Variants in FRMD6 observed in about 807,000 individuals in gnomAD.
FRMD6 encodes FERM domain containing 6.
A neutral mutation model predicts 73.2 loss-of-function variants in FRMD6; 37 were observed. The ratio of observed to expected loss-of-function variants is 0.51; its 90% CI spans 0.39 to 0.66. The LOEUF is 0.66. Ranked by LOEUF, FRMD6 falls within the 30% of genes least tolerant of loss-of-function variation. The probability of loss-of-function intolerance (pLI) is 0.00; values close to 1 mark genes in which losing one functional copy is unlikely to be tolerated. For missense variants in FRMD6, 714 were observed against 780.5 expected (o/e 0.91, Z 1.02); for synonymous variants, 273 against 282.2 (o/e 0.97, Z 0.33).
At chr14:51,502,232 G>A (rs1204919194) in intron 1 of FRMD6, among the ~76,000 whole-genome samples, 2 of 152,188 alleles carry the variant, frequency 1.3e-5, no homozygotes, top group Non-Finnish European at 2.9e-5. Flanking sequence ...TTTTGCTGCG[G>A]TTGCAATTGC....
rs567688975 is a variant in FRMD6, at chr14:51,690,871, A to C, written c.99+936A>C. Among the ~76,000 whole-genome samples, 25 of 152,288 alleles carry C rather than the reference A, an allele frequency of 1.6e-4. No individual in the cohort carries two copies. The East Asian group carries it at 4.6e-3, about 28-fold the overall frequency. ...TGTGATTTTTTTTTAACTTTAAAAA[A>C]ATTGAGTTATAATTTACATACTGCA... is the stretch of plus-strand genomic sequence containing the variant. On this transcript the variant is annotated intron_variant, in intron 2 of 13. Transcript: ENST00000344768.
intron 1 of FRMD6, among the ~76,000 whole-genome samples, chr14:51,501,936 A>G (rs547964519): frequency 3.8e-4 from 58 of 152,252 alleles, no homozygotes; most frequent in African/African-American, 1.3e-3. Context: ...ATGAGATGGT[A>G]TTTCATTGTG....
At chr14:51,686,729 TG>T (rs1215537195) in intron 1 of FRMD6, among the ~76,000 whole-genome samples, 1 of 152,148 alleles carries the variant, frequency 6.6e-6, no homozygotes, top group African/African-American at 2.4e-5. Context: ...TGTGTCCTCC[TG>T]GGACTGAGTT....
the FRMD6 span, among the ~76,000 whole-genome samples, chr14:51,427,357 T>C: frequency 1.3e-5 from 2 of 152,210 alleles, no homozygotes; most frequent in Non-Finnish European, 2.9e-5. Context: ...TCACCGTGCA[T>C]ATGGGTCCAA....
At chr14:51,684,737 A>G in intron 1 of FRMD6, among the ~76,000 whole-genome samples, 1 of 152,130 alleles carries the variant, frequency 6.6e-6, no homozygotes, top group South Asian at 2.1e-4. Context: ...ACCAAAAAGA[A>G]TATTTGGCCC....
At chr14:51,726,229 G>A (rs1333448036) in intron 13 of FRMD6, among the ~76,000 whole-genome samples, 1 of 152,174 alleles carries the variant, frequency 6.6e-6, no homozygotes, top group Non-Finnish European at 1.5e-5. Flanking sequence ...TGGCAGAAAT[G>A]TTTCCACACT....
intron 2 of FRMD6, among the ~76,000 whole-genome samples, chr14:51,586,855 C>T (rs1338058760): frequency 1.3e-5 from 2 of 152,098 alleles, no homozygotes; most frequent in Non-Finnish European, 2.9e-5. Context: ...GCAATCCTCC[C>T]GCCTCCATCT....
intron 9 of FRMD6, among the ~76,000 whole-genome samples, chr14:51,713,168 T>C (rs994089997): frequency 1.3e-5 from 2 of 152,146 alleles, no homozygotes; most frequent in Non-Finnish European, 2.9e-5. Context: ...TAAAAATTCA[T>C]AGTTCTGGCC....
chr14:51,712,975 C>T (rs1897026617), intron 9 of FRMD6, among the ~76,000 whole-genome samples: 1 of 152,036 alleles, frequency 6.6e-6, no homozygotes, highest in South Asian at 2.1e-4. Flanking sequence ...ATTTAAAACC[C>T]ATTATTTTAA....
At chr14:51,539,202 C>A (rs575388221) in intron 1 of FRMD6, among the ~76,000 whole-genome samples, 1 of 152,188 alleles carries the variant, frequency 6.6e-6, no homozygotes, top group South Asian at 2.1e-4. Flanking sequence ...ATGCTGTTTT[C>A]TGTCTGGATG....
the FRMD6 span, among the ~76,000 whole-genome samples, chr14:51,408,193 G>A: frequency 8.2e-5 from 12 of 146,406 alleles, no homozygotes; most frequent in Non-Finnish European, 1.5e-4. Flanking sequence ...ATATCACTCT[G>A]TTGCCCAGGC....
chr14:51,686,261 G>GCTAA (rs1895144942), intron 1 of FRMD6, among the ~76,000 whole-genome samples: 1 of 152,076 alleles, frequency 6.6e-6, no homozygotes, highest in Admixed American at 6.6e-5. Context: ...TTCCCCTGTT[G>GCTAA]CTAACATCTT....
chr14:51,482,557 C>G, the FRMD6 span, among the ~76,000 whole-genome samples: 1 of 152,100 alleles, frequency 6.6e-6, no homozygotes, highest in Non-Finnish European at 1.5e-5. Flanking sequence ...TAGTGAAATT[C>G]AGGAAAGCCG....
At chr14:51,544,092 C>G (rs1210219715) in intron 1 of FRMD6, among the ~76,000 whole-genome samples, 3 of 151,948 alleles carry the variant, frequency 2.0e-5, no homozygotes, top group Non-Finnish European at 4.4e-5. Flanking sequence ...TGATTGTCCC[C>G]CATAGCCCCC....
At chr14:51,685,159 A>G (rs539745212) in intron 1 of FRMD6, among the ~76,000 whole-genome samples, 1 of 152,270 alleles carries the variant, frequency 6.6e-6, no homozygotes, top group East Asian at 1.9e-4. Context: ...CATTAGCACT[A>G]TTATTTTGCC....
chr14:51,497,868 T>C (rs1774229545), intron 1 of FRMD6, among the ~76,000 whole-genome samples: 1 of 152,220 alleles, frequency 6.6e-6, no homozygotes, highest in Non-Finnish European at 1.5e-5. Context: ...CTTCTACGAA[T>C]CTTAGAAGCC....
At chr14:51,658,618 CT>C (rs1209214136) in intron 1 of FRMD6, among the ~76,000 whole-genome samples, 2 of 152,258 alleles carry the variant, frequency 1.3e-5, no homozygotes, top group African/African-American at 4.8e-5. Flanking sequence ...TTAAAGATCC[CT>C]GGAAACATCC....
At chr14:51,435,411 T>C in the FRMD6 span, among the ~76,000 whole-genome samples, 1 of 132,658 alleles carries the variant, frequency 7.5e-6, no homozygotes, top group African/African-American at 2.9e-5. Context: ...CGAAATCCCA[T>C]CTCTATTTAA....
At chr14:51,695,773 C>T (rs1895906370) in intron 2 of FRMD6, among the ~76,000 whole-genome samples, 1 of 152,124 alleles carries the variant, frequency 6.6e-6, no homozygotes, top group South Asian at 2.1e-4. Context: ...TCTTAAATAT[C>T]TTCTGCTCTT....
Sources: allele counts gnomAD v4.1 joint callset (sites outside exome capture counted in the v4.1 genomes callset), GRCh38; gene constraint gnomAD v4.1.1; transcripts MANE v1.5; gene names NCBI Gene and HGNC (gene_info 2026-07-23, HGNC 2026-07-21).